Variants in SYCP1 observed in about 807,000 individuals in gnomAD.
SYCP1 encodes the protein cancer/testis antigen 8.
In SYCP1, 64 loss-of-function variants were observed where a neutral mutation model predicts 153.1. The observed-to-expected ratio is 0.42, with a 90% confidence interval of 0.34 to 0.51. The LOEUF is 0.51. Among genes scored for constraint, SYCP1 ranks in the 20% least tolerant of loss-of-function variants. SYCP1 has a pLI of 0.06. For missense variants in SYCP1, 997 were observed against 1,049.0 expected (o/e 0.95, Z 0.68); for synonymous variants, 384 against 341.8 (o/e 1.12, Z -1.36).
rs773512940 is a variant in SYCP1, at chr1:114,944,853, T to C, written c.2044-19T>C. On this transcript the variant is annotated intron_variant, in intron 24 of 31. Coordinates refer to ENST00000369522, the MANE Select transcript of SYCP1 (RefSeq NM_003176.4). Reference sequence around the variant, plus strand: ...GTGCATTTATTTTAAGAAACTTTTTTTTTTTGCTTATTTGATAGGTTGAGA... The same window carrying C: ...GTGCATTTATTTTAAGAAACTTTTTCTTTTTGCTTATTTGATAGGTTGAGA... 2 of 1,521,166 alleles carry C rather than the reference T, an allele frequency of 1.3e-6. No homozygotes were observed. The highest frequency in any genetic ancestry group is 8.9e-7 in the Non-Finnish European group (1 of 1,126,084). 94.2% of individuals were successfully genotyped at this position (1,521,166 alleles called of 1,614,324 possible).
chr1:114,885,434 T>C (rs1267599085), intron 12 of SYCP1, 101 bp from the exon 13 acceptor site: 2 of 645,880 alleles, frequency 3.1e-6, no homozygotes, highest in African/African-American at 1.9e-5. Flanking sequence ...TTTTGGACTA[T>C]TATCTAACGG....
In SYCP1 at chr1:114,981,465, T is replaced by C; in HGVS notation, c.2512T>C (p.Tyr838His). The change falls in exon 29 of 32, where the codon TAT (tyrosine) becomes CAT (histidine). Residue 838 changes from tyrosine (Y) to histidine (H), a missense_variant. Physicochemically the swap from Tyr to His is moderately conservative, Grantham distance 83 (BLOSUM62 2). Coordinates refer to ENST00000369522, the MANE Select transcript of SYCP1 (RefSeq NM_003176.4). ...DHGISKDKRD[Y>H]LWTSAKNTLS... is the part of the protein sequence containing the mutation. Reference sequence around the variant, plus strand: ...TGGCATATCCAAAGATAAAAGAGACTATCTGTGGACATCTGCCAAAAATAC... The same window carrying C: ...TGGCATATCCAAAGATAAAAGAGACCATCTGTGGACATCTGCCAAAAATAC... 6.2e-7 allele frequency: 1 copy of C among 1,606,892 alleles called. No homozygotes were observed. The highest frequency in any genetic ancestry group is 8.5e-7 in the Non-Finnish European group (1 of 1,177,838).
intron 8 of SYCP1, among the ~76,000 whole-genome samples, chr1:114,867,949 A>G (rs1664874263): frequency 6.6e-6 from 1 of 152,026 alleles, no homozygotes; most frequent in Admixed American, 6.6e-5. Context: ...CTAGTTTACT[A>G]AAAGTTTTTA....
chr1:114,947,344 A>G (rs1670777266), intron 27 of SYCP1, 24 bp downstream of exon 27: 3 of 1,579,238 alleles, frequency 1.9e-6, no homozygotes, highest in Non-Finnish European at 2.6e-6. Context: ...CATTATAGAT[A>G]AAATGATTAC....
chr1:114,900,540 C>T (rs891706161), intron 16 of SYCP1, among the ~76,000 whole-genome samples: 6 of 152,220 alleles, frequency 3.9e-5, no homozygotes, highest in South Asian at 4.1e-4. Context: ...CTCGGCCTCC[C>T]GAAGTGCTGG....
intron 8 of SYCP1, among the ~76,000 whole-genome samples, chr1:114,874,123 C>T (rs189369831): frequency 3.0e-4 from 46 of 152,252 alleles, no homozygotes; most frequent in Admixed American, 2.9e-3. Context: ...CTCTGGTTCC[C>T]ACAGAGTTTT....
intron 16 of SYCP1, among the ~76,000 whole-genome samples, chr1:114,905,032 C>G (rs1057063522): frequency 1.3e-5 from 2 of 152,098 alleles, no homozygotes; most frequent in African/African-American, 4.8e-5. Context: ...GGATAAACCC[C>G]ATTTGGTGTT....
rs1039416249 is a variant in SYCP1 at position 114,902,291 on chromosome 1, GT to G, written c.1320+6791del. ...GCTTAGAAGCGAAAGAGAAAAAGAT[GT>G]TTTTTTTTGGTTTGCATTTCACTCA... On this transcript the variant is annotated intron_variant, in intron 16 of 31. Coordinates refer to ENST00000369522, the MANE Select transcript of SYCP1 (RefSeq NM_003176.4). Among the ~76,000 whole-genome samples the G allele has an allele frequency of 7.9e-5, 12 of 151,414 alleles. No individual in the cohort carries two copies. In the South Asian group the frequency reaches 1.0e-3, roughly 13 times the overall value.
chr1:114,897,792 A>G (rs1382916708), intron 16 of SYCP1, among the ~76,000 whole-genome samples: 1 of 152,168 alleles, frequency 6.6e-6, no homozygotes, highest in Non-Finnish European at 1.5e-5. Context: ...AATACCAGGG[A>G]TATGTGAGGG....
chr1:114,876,153 C>T lies in SYCP1; in HGVS notation c.727+15C>T, dbSNP rs753980665. 61 of 1,503,424 alleles carry T rather than the reference C, an allele frequency of 4.1e-5. No homozygotes were observed. Among genetic ancestry groups the T allele is most frequent in the Non-Finnish European group, 5.4e-5 (60 of 1,119,614 alleles). The allele number at this position is 1,503,424 out of a possible 1,614,324, so 93.1% of individuals were successfully genotyped here. On this transcript the variant is annotated intron_variant, in intron 10 of 31. Transcript: ENST00000369522. Reference sequence around the variant, plus strand: ...GCATTTTAAGTGTAGGTATAGGGATCTTACTTAATTTTTATATTACTGTTT... The same window carrying T: ...GCATTTTAAGTGTAGGTATAGGGATTTTACTTAATTTTTATATTACTGTTT...
intron 27 of SYCP1, among the ~76,000 whole-genome samples, chr1:114,952,972 G>T (rs1158259207): frequency 1.3e-5 from 2 of 152,184 alleles, no homozygotes; most frequent in East Asian, 1.9e-4. Flanking sequence ...CAAGATCAAG[G>T]TGCCAGCATC....
chr1:114,944,881 G>A lies in SYCP1; in HGVS notation c.2053G>A (p.Ala685Thr). ...TTTGCTTATTTGATAGGTTGAGAAA[G>A]CAAAAGTAATAGCTGATGAAGCAGT... ...EENLLEEVEK[A>T]KVIADEAVKL... The change falls in exon 25 of 32, where the codon GCA (alanine) becomes ACA (threonine). Residue 685 changes from alanine (A) to threonine (T), a missense_variant. This residue lies in a region of SYCP1 where 712 missense variants were observed against 682.9 expected (regional missense o/e 1.04). Transcript: ENST00000369522. The A allele has an allele frequency of 1.9e-6, 3 of 1,581,106 alleles. No individual in the cohort carries two copies. Among genetic ancestry groups the A allele is most frequent in the East Asian group, 2.3e-5 (1 of 44,184 alleles).
chr1:114,893,458 T>C (rs905724432), intron 15 of SYCP1, among the ~76,000 whole-genome samples: 1 of 152,204 alleles, frequency 6.6e-6, no homozygotes, highest in African/African-American at 2.4e-5. Context: ...TGTTTTGCTA[T>C]TTTCAAAATC....
intron 15 of SYCP1, among the ~76,000 whole-genome samples, chr1:114,889,916 A>G (rs1433027663): frequency 6.6e-6 from 1 of 152,060 alleles, no homozygotes; most frequent in Non-Finnish European, 1.5e-5. Flanking sequence ...GTTTAATTTA[A>G]TGTCTTAGGC....
At chr1:114,886,411 A>T in intron 14 of SYCP1, 102 bp downstream of exon 14, 1 of 1,014,620 alleles carries the variant, frequency 9.9e-7, no homozygotes, top group East Asian at 2.9e-5. Flanking sequence ...GATGTGTGTA[A>T]TTCATATAAC....
At chr1:114,910,711 C>T (rs559582888) in intron 17 of SYCP1, among the ~76,000 whole-genome samples, 1 of 152,174 alleles carries the variant, frequency 6.6e-6, no homozygotes, top group Admixed American at 6.5e-5. Flanking sequence ...TTTAAAAGAT[C>T]AATATGATGC....
At chr1:114,891,458 A>C (rs1266542668) in intron 15 of SYCP1, among the ~76,000 whole-genome samples, 2 of 152,186 alleles carry the variant, frequency 1.3e-5, no homozygotes, top group Non-Finnish European at 2.9e-5. Context: ...CTAAGTTCAA[A>C]CTACTTAGAT....
chr1:114,882,022 T>C (rs978526750), intron 12 of SYCP1, among the ~76,000 whole-genome samples: 1 of 152,190 alleles, frequency 6.6e-6, no homozygotes, highest in African/African-American at 2.4e-5. Flanking sequence ...CTCTACTTTC[T>C]GTTTCCTCAT....
chr1:114,946,553 T>G (rs1384579850), intron 26 of SYCP1, among the ~76,000 whole-genome samples, 172 bp downstream of exon 26: 1 of 152,174 alleles, frequency 6.6e-6, no homozygotes, highest in Non-Finnish European at 1.5e-5. Context: ...ATTTAGTTTT[T>G]GAAATAGTGG....
Sources: gnomAD v4.1 joint callset for allele counts (sites outside exome capture counted in the v4.1 genomes callset) on GRCh38, gnomAD v4.1.1 for gene constraint, gnomAD v4.1.1 regional missense constraint, MANE v1.5 for transcripts, NCBI Gene and HGNC (gene_info 2026-07-23, HGNC 2026-07-21) for gene names.